BMPR1A: variants seen among roughly 807,000 people sequenced by gnomAD.
BMPR1A encodes the protein bone morphogenetic protein receptor type-1A.
BMPR1A carries 7 observed loss-of-function variants against 66.0 expected under a neutral mutation model. That is an observed-to-expected ratio of 0.11 (90% CI 0.06 to 0.20). BMPR1A has a LOEUF of 0.20. BMPR1A is among the 10% of genes least tolerant of loss of function. The pLI is 1.00. For synonymous variants in BMPR1A, 200 were observed against 229.7 expected (o/e 0.87, Z 1.17); for missense variants, 408 against 669.1 (o/e 0.61, Z 4.31).
chr10:86,915,049 A>AT (rs1843544871), intron 8 of BMPR1A, among the ~76,000 whole-genome samples: 1 of 152,222 alleles, frequency 6.6e-6, no homozygotes. Context: ...CTTCTAACAC[A>AT]TGTAGCAGCA....
intron 11 of BMPR1A, among the ~76,000 whole-genome samples, chr10:86,922,784 G>A (rs1843686022): frequency 6.6e-6 from 1 of 152,374 alleles, no homozygotes; most frequent in Non-Finnish European, 1.5e-5. Flanking sequence ...CAGAATTCCA[G>A]CAGGAAAGCA....
chr10:86,781,141 A>G (rs1401106486), intron 1 of BMPR1A, among the ~76,000 whole-genome samples: 1 of 152,198 alleles, frequency 6.6e-6, no homozygotes, highest in Non-Finnish European at 1.5e-5. Flanking sequence ...GGCGTGAGAC[A>G]CCATGCCCGG....
intron 1 of BMPR1A, among the ~76,000 whole-genome samples, chr10:86,831,815 G>A (rs1336290967): frequency 6.6e-6 from 1 of 152,084 alleles, no homozygotes; most frequent in African/African-American, 2.4e-5. Context: ...CTTTTTTGGT[G>A]CATAGCTCAT....
At chr10:86,779,466 T>C (rs1406721898) in intron 1 of BMPR1A, among the ~76,000 whole-genome samples, 4 of 152,222 alleles carry the variant, frequency 2.6e-5, no homozygotes, top group Non-Finnish European at 5.9e-5. Flanking sequence ...AATTGGATTG[T>C]TTATCTTTTT....
chr10:86,878,825 C>G (rs1272189562), intron 3 of BMPR1A, among the ~76,000 whole-genome samples: 1 of 152,076 alleles, frequency 6.6e-6, no homozygotes, highest in Non-Finnish European at 1.5e-5. Context: ...TATCCATTGC[C>G]TAGGGCTGGG....
chr10:86,773,560 T>C (rs1393028651), intron 1 of BMPR1A, among the ~76,000 whole-genome samples: 2 of 143,842 alleles, frequency 1.4e-5, no homozygotes, highest in African/African-American at 5.3e-5. Flanking sequence ...GCCACTGCAT[T>C]GCACTCCAGC....
chr10:86,873,838 T>C (rs934913601), intron 2 of BMPR1A, among the ~76,000 whole-genome samples: 1 of 152,246 alleles, frequency 6.6e-6, no homozygotes, highest in Non-Finnish European at 1.5e-5. Context: ...CATCTTTTTC[T>C]CTCAGCATTA....
Position 86,921,627 on chromosome 10 carries a change from A to T in BMPR1A, c.1274A>T (p.Tyr425Phe), listed in dbSNP as rs758599378. Residue 425 changes from tyrosine (Y) to phenylalanine (F), a missense_variant, in exon 11 of 13, where the codon TAC (tyrosine) becomes TTC (phenylalanine). Tyr to Phe is a conservative substitution (Grantham distance 22, BLOSUM62 3). Coordinates refer to ENST00000372037, the MANE Select transcript of BMPR1A (RefSeq NM_004329.3). ...ESLNKNHFQP[Y>F]IMADIYSFGL... ...CTGAACAAAAACCACTTCCAGCCCT[A>T]CATCATGGCTGACATCTACAGCTTC... 20 of 1,614,108 alleles carry T rather than the reference A, an allele frequency of 1.2e-5. No individual in the cohort carries two copies. The highest frequency in any genetic ancestry group is 1.7e-5 in the Admixed American group (1 of 60,004).
chr10:86,803,667 G>C (rs137985784), intron 1 of BMPR1A, among the ~76,000 whole-genome samples: 1 of 152,024 alleles, frequency 6.6e-6, no homozygotes, highest in African/African-American at 2.4e-5. Flanking sequence ...TTGGTCTTTT[G>C]TGACCTATCT....
At chr10:86,833,079 T>C (rs938111587) in intron 1 of BMPR1A, among the ~76,000 whole-genome samples, 20 of 152,130 alleles carry the variant, frequency 1.3e-4, no homozygotes, top group Non-Finnish European at 5.9e-5. Context: ...TACTGCACTC[T>C]AGCCTGGACA....
intron 2 of BMPR1A, among the ~76,000 whole-genome samples, chr10:86,864,351 T>C (rs531324453): frequency 6.6e-6 from 1 of 152,136 alleles, no homozygotes; most frequent in African/African-American, 2.4e-5. Context: ...AGTTTCTGCC[T>C]CCACTATTGC....
intron 1 of BMPR1A, among the ~76,000 whole-genome samples, chr10:86,804,363 C>T (rs1392992177): frequency 6.6e-6 from 1 of 152,100 alleles, no homozygotes; most frequent in Non-Finnish European, 1.5e-5. Context: ...CCTCAGTCTC[C>T]CTGGTAGCTG....
At chr10:86,792,022 A>G (rs959536247) in intron 1 of BMPR1A, among the ~76,000 whole-genome samples, 2 of 148,062 alleles carry the variant, frequency 1.4e-5, no homozygotes, top group African/African-American at 2.5e-5. Flanking sequence ...CCCAGCCTCC[A>G]GTAGAATTTT....
At chr10:86,874,201 C>T (rs1842889561) in intron 2 of BMPR1A, among the ~76,000 whole-genome samples, 2 of 152,010 alleles carry the variant, frequency 1.3e-5, no homozygotes, top group East Asian at 3.9e-4. Context: ...TTAGCCTTTT[C>T]CCCCGTTATT....
At chr10:86,792,001 G>A (rs1033810785) in intron 1 of BMPR1A, among the ~76,000 whole-genome samples, 2 of 150,058 alleles carry the variant, frequency 1.3e-5, no homozygotes, top group Non-Finnish European at 3.0e-5. Context: ...TTATAGGCGT[G>A]AGCCACTGTT....
At position 86,900,133 on chromosome 10, in the gene BMPR1A, A is replaced by G. The variant is rs1060504908; in HGVS notation, c.530+7A>G. ...CCAGCTGCTTTTGTTACAAGTAAGA[A>G]GATATTTATTTTGAAGCAAAATATT... On this transcript the variant is annotated splice_region_variant and intron_variant, in intron 7 of 12. Transcript: ENST00000372037. 2 of 1,612,740 alleles carry G rather than the reference A, an allele frequency of 1.2e-6. No individual in the cohort carries two copies. The highest frequency in any genetic ancestry group is 1.7e-6 in the Non-Finnish European group (2 of 1,179,746).
chr10:86,820,698 T>G (rs147603469), intron 1 of BMPR1A, among the ~76,000 whole-genome samples: 2,136 of 152,270 alleles, frequency 0.014, 22 homozygotes, highest in Admixed American at 0.024. Context: ...CCCGGACTTC[T>G]CCGGATGCTA....
In BMPR1A at chr10:86,785,148, G is replaced by A. The variant is rs573875586; in HGVS notation, c.-268+28229G>A. On this transcript the variant is annotated intron_variant, in intron 1 of 12. Coordinates refer to ENST00000372037, the MANE Select transcript of BMPR1A (RefSeq NM_004329.3). Reference sequence around the variant, plus strand: ...ATTTTTTAGTTTTCCTACTGCTTTTGATTTCCCATTGTGGTCAGAAAAGAT... The same window carrying A: ...ATTTTTTAGTTTTCCTACTGCTTTTAATTTCCCATTGTGGTCAGAAAAGAT... Among the ~76,000 whole-genome samples the A allele has an allele frequency of 9.9e-5, 15 of 152,236 alleles. 1 individual carries two copies. The highest frequency in any genetic ancestry group is 9.2e-4 in the Admixed American group (14 of 15,300).
intron 1 of BMPR1A, among the ~76,000 whole-genome samples, chr10:86,783,204 T>A (rs1321514744): frequency 6.6e-6 from 1 of 152,232 alleles, no homozygotes; most frequent in Non-Finnish European, 1.5e-5. Context: ...TCTGTTCTGT[T>A]CCATTGGTTT....
Sources: gnomAD v4.1 joint callset for allele counts (sites outside exome capture counted in the v4.1 genomes callset) on GRCh38, gnomAD v4.1.1 for gene constraint, MANE v1.5 for transcripts, NCBI Gene and HGNC (gene_info 2026-07-23, HGNC 2026-07-21) for gene names.